The following APBB2 variants were observed in gnomAD, a reference collection of about 807,000 sequenced individuals.
APBB2 encodes the protein amyloid beta precursor protein binding family B member 2, also known as Fe65-like 1.
A neutral mutation model predicts 82.5 loss-of-function variants in APBB2; 38 were observed. That is an observed-to-expected ratio of 0.46 (90% CI 0.36 to 0.60). The LOEUF is 0.60. Among genes scored for constraint, APBB2 ranks in the 20% least tolerant of loss-of-function variants. APBB2 has a pLI of 0.00. For synonymous variants in APBB2, 341 were observed against 368.2 expected (o/e 0.93, Z 0.85); for missense variants, 772 against 972.3 (o/e 0.79, Z 2.74).
chr4:41,186,453 C>A (rs1289675712), intron 1 of APBB2, among the ~76,000 whole-genome samples: 1 of 152,158 alleles, frequency 6.6e-6, no homozygotes, highest in Non-Finnish European at 1.5e-5. Flanking sequence ...CTAAGACCTT[C>A]GGTTCTCAGC....
intron 13 of APBB2, among the ~76,000 whole-genome samples, chr4:40,830,211 C>T (rs1487822473): frequency 1.1e-4 from 16 of 149,642 alleles, no homozygotes; most frequent in East Asian, 2.0e-4. Context: ...CACACACACA[C>T]ATATATATAT....
Position 41,014,045 on chromosome 4 carries a change from TG to T in APBB2, c.372del (p.Thr125LeufsTer6). The T allele has an allele frequency of 6.2e-7, 1 of 1,614,164 alleles. No individual in the cohort carries two copies. The stretch of plus-strand genomic sequence containing the variant: ...TCAGAAGTTATGTTGATGACTGCAG[TG>T]GGGCTCAGGTTTTTGTTGGGGTCCT... ...GQQDPNKNLS[P>X]TAVINITSEK... On this transcript the variant is annotated frameshift_variant, in exon 6 of 18. Transcript: ENST00000508593. LOFTEE classifies it high-confidence loss of function.
chr4:40,945,151 A>T (rs950416267), intron 6 of APBB2, 78 bp from the exon 7 acceptor site: 3 of 1,099,646 alleles, frequency 2.7e-6, no homozygotes, highest in Non-Finnish European at 4.1e-6. Flanking sequence ...CGTCAGGTGA[A>T]CCCCAAAGGC....
intron 1 of APBB2, among the ~76,000 whole-genome samples, chr4:41,183,774 C>CT (rs1328347361): frequency 6.9e-6 from 1 of 145,292 alleles, no homozygotes; most frequent in Non-Finnish European, 1.5e-5. Flanking sequence ...TGTCCCCAAC[C>CT]TTTTTGGCAC....
chr4:41,187,885 T>G lies in APBB2; in HGVS notation c.-417+26520A>C, dbSNP rs574674574. ...AAAAAAGTTTCTATGTATGCATGTATGTATATATGTGTATACATACATAAA... is the reference window on the plus strand; with the variant it reads ...AAAAAAGTTTCTATGTATGCATGTAGGTATATATGTGTATACATACATAAA... On this transcript the variant is annotated intron_variant, in intron 1 of 17. Transcript: ENST00000508593. Among the ~76,000 whole-genome samples the G allele has an allele frequency of 2.0e-5, 3 of 152,374 alleles. No homozygotes were observed. The East Asian group carries it at 5.8e-4, about 29-fold the overall frequency.
intron 10 of APBB2, among the ~76,000 whole-genome samples, chr4:40,895,508 C>T (rs1319231135): frequency 1.3e-5 from 2 of 152,164 alleles, no homozygotes; most frequent in Non-Finnish European, 2.9e-5. Flanking sequence ...GGCCTGCCTG[C>T]CCCTCCGCAG....
chr4:41,021,068 G>T (rs1269780184), intron 5 of APBB2, among the ~76,000 whole-genome samples: 5 of 152,120 alleles, frequency 3.3e-5, no homozygotes, highest in African/African-American at 1.2e-4. Context: ...TTGCCTTCGG[G>T]CCCTGTATTT....
chr4:40,924,151 G>A (rs1244409569), intron 10 of APBB2, among the ~76,000 whole-genome samples: 3 of 152,216 alleles, frequency 2.0e-5, no homozygotes, highest in African/African-American at 4.8e-5. Context: ...GCTGGAATGA[G>A]ATGATCCTTA....
intron 15 of APBB2, among the ~76,000 whole-genome samples, chr4:40,824,659 T>C (rs890685603): frequency 3.9e-5 from 6 of 152,094 alleles, no homozygotes; most frequent in African/African-American, 1.4e-4. Flanking sequence ...AGCTAATTTT[T>C]TGAATTTTTT....
At chr4:40,834,225 C>T (rs536391508) in intron 12 of APBB2, among the ~76,000 whole-genome samples, 1 of 152,244 alleles carries the variant, frequency 6.6e-6, no homozygotes, top group African/African-American at 2.4e-5. Flanking sequence ...GTAACTAACC[C>T]TCCAGAGGTT....
intron 6 of APBB2, among the ~76,000 whole-genome samples, chr4:40,969,429 G>C (rs1452674148): frequency 6.6e-6 from 1 of 152,208 alleles, no homozygotes; most frequent in Non-Finnish European, 1.5e-5. Context: ...GCTATCAAGA[G>C]TTTGGAGCAG....
chr4:41,185,888 C>A (rs9990487), intron 1 of APBB2, among the ~76,000 whole-genome samples: 3,596 of 152,156 alleles, frequency 0.024, 74 homozygotes, highest in African/African-American at 0.054. Flanking sequence ...CAGCACTGCA[C>A]GATGAGATTT....
Position 41,081,785 on chromosome 4 carries a change from A to C in APBB2, c.-148-16112T>G, listed in dbSNP as rs1737721437. Among the ~76,000 whole-genome samples the C allele has an allele frequency of 2.0e-5, 3 of 152,246 alleles. No homozygotes were observed. In the South Asian group the frequency reaches 6.2e-4, roughly 31 times the overall value. Reference sequence around the variant, plus strand: ...ATCTTAACTTGAAATTTTTTTAACTAAACAAATATGACAAGACAGAATTAA... The same window carrying C: ...ATCTTAACTTGAAATTTTTTTAACTCAACAAATATGACAAGACAGAATTAA... On this transcript the variant is annotated intron_variant, in intron 3 of 17. Transcript: ENST00000508593.
chr4:41,083,928 T>A (rs918193231), intron 3 of APBB2, among the ~76,000 whole-genome samples: 2 of 152,070 alleles, frequency 1.3e-5, no homozygotes, highest in Non-Finnish European at 2.9e-5. Context: ...TAAAATGCTG[T>A]GAATCATAGC....
At chr4:40,959,810 C>T (rs1364953879) in intron 6 of APBB2, among the ~76,000 whole-genome samples, 1 of 152,126 alleles carries the variant, frequency 6.6e-6, no homozygotes, top group Admixed American at 6.6e-5. Flanking sequence ...CATGCACTTC[C>T]AGAGCACTAC....
intron 6 of APBB2, among the ~76,000 whole-genome samples, chr4:41,003,082 T>C (rs1238201137): frequency 6.6e-6 from 1 of 152,216 alleles, no homozygotes; most frequent in Admixed American, 6.5e-5. Flanking sequence ...TACTACTAAA[T>C]ATTAAGCTTT....
intron 1 of APBB2, among the ~76,000 whole-genome samples, chr4:41,202,172 T>C (rs1776861306): frequency 6.6e-6 from 1 of 152,240 alleles, no homozygotes; most frequent in African/African-American, 2.4e-5. Flanking sequence ...TTCAAAACTT[T>C]TCGTCTTCCC....
At chr4:41,062,643 G>C (rs922535785) in intron 4 of APBB2, among the ~76,000 whole-genome samples, 1 of 152,144 alleles carries the variant, frequency 6.6e-6, no homozygotes, top group Non-Finnish European at 1.5e-5. Flanking sequence ...TCTAGTTCCA[G>C]GGAAGGGCAT....
chr4:40,937,844 AGAG>A (rs1379089758), intron 7 of APBB2, among the ~76,000 whole-genome samples: 17 of 152,258 alleles, frequency 1.1e-4, no homozygotes, highest in Admixed American at 1.0e-3. Context: ...TTAATTAAGA[AGAG>A]AGAATATTTT....
Sources: allele counts gnomAD v4.1 joint callset (sites outside exome capture counted in the v4.1 genomes callset), GRCh38; gene constraint gnomAD v4.1.1; transcripts MANE v1.5; gene names NCBI Gene and HGNC (gene_info 2026-07-23, HGNC 2026-07-21).